The following ZMIZ1 variants were observed in gnomAD, a reference collection of about 807,000 sequenced individuals.
ZMIZ1 encodes zinc finger MIZ domain-containing protein 1.
In ZMIZ1, 17 loss-of-function variants were observed where a neutral mutation model predicts 113.9. The observed-to-expected ratio is 0.15, with a 90% CI of 0.10 to 0.22. ZMIZ1 has a LOEUF of 0.22. ZMIZ1 is among the 10% of genes least tolerant of loss of function. The pLI is 1.00. For missense variants in ZMIZ1, 1,059 were observed against 1,477.8 expected, an observed-to-expected ratio of 0.72 and a Z score of 4.65; for synonymous variants, 607 against 603.1, an observed-to-expected ratio of 1.01 and a Z score of -0.09.
intron 6 of ZMIZ1, among the ~76,000 whole-genome samples, chr10:79,212,419 C>A (rs946218557): frequency 4.6e-5 from 7 of 152,066 alleles, no homozygotes; most frequent in African/African-American, 7.2e-5. Flanking sequence ...GATCCTCCCA[C>A]CTCAGCCTCC....
intron 7 of ZMIZ1, among the ~76,000 whole-genome samples, chr10:79,256,383 C>T (rs1850905233): frequency 6.6e-6 from 1 of 152,174 alleles, no homozygotes; most frequent in Admixed American, 6.5e-5. Context: ...TATCTCCCAG[C>T]CCTCGGTGGA....
At chr10:79,188,923 C>G (rs868464444) in intron 4 of ZMIZ1, among the ~76,000 whole-genome samples, 2 of 152,226 alleles carry the variant, frequency 1.3e-5, no homozygotes, top group South Asian at 2.1e-4. Context: ...ACTCATCTAA[C>G]CGGGAATGCT....
At position 79,313,451 on chromosome 10, in the gene ZMIZ1, G is replaced by A. The variant is rs1392954692; in HGVS notation, c.*702G>A. On this transcript the variant is annotated 3_prime_UTR_variant, in exon 25 of 25. Coordinates refer to ENST00000334512, the MANE Select transcript of ZMIZ1 (RefSeq NM_020338.4). ...GAGAGGGGGTCTGCCATTCCTGCTTGGGGACTGGTGGGGAAGAGGGCCAGG... is the reference window on the plus strand; with the variant it reads ...GAGAGGGGGTCTGCCATTCCTGCTTAGGGACTGGTGGGGAAGAGGGCCAGG... 1 of 157,240 alleles carries A rather than the reference G, an allele frequency of 6.4e-6. No individual in the cohort carries two copies. The highest frequency in any genetic ancestry group is 2.4e-5 in the African/African-American group (1 of 41,316). The allele number at this position is 157,240 out of a possible 1,614,324, so 9.7% of individuals were successfully genotyped here.
chr10:79,300,403 T>G (rs866345633), intron 16 of ZMIZ1, among the ~76,000 whole-genome samples: 1 of 152,100 alleles, frequency 6.6e-6, no homozygotes, highest in African/African-American at 2.4e-5. Flanking sequence ...GTCAAATGAG[T>G]GCCTGTTCAT....
In ZMIZ1 at chr10:79,208,426, C is replaced by G. The variant is rs779678219; in HGVS notation, c.151C>G (p.Gln51Glu). The G allele has an allele frequency of 6.2e-7, 1 of 1,613,900 alleles. No homozygotes were observed. The change falls in exon 6 of 25, where the codon CAG (glutamine) becomes GAG (glutamate). Residue 51 changes from glutamine (Q) to glutamate (E), a missense_variant. Around this residue, in one of 6 missense-constraint regions of ZMIZ1, gnomAD observed 272 missense variants for 350.4 expected, o/e 0.78. Coordinates refer to ENST00000334512, the MANE Select transcript of ZMIZ1 (RefSeq NM_020338.4). ...DPRAFQRPFE[Q>E]SLMGCLTVVS... ...ACGGGCCTTCCAGCGGCCCTTCGAG[C>G]AGAGCCTGATGGGCTGTTTGACGGT...
intron 2 of ZMIZ1, among the ~76,000 whole-genome samples, 166 bp downstream of exon 2, chr10:79,119,190 CAAAG>C (rs959049246): frequency 2.0e-5 from 3 of 152,168 alleles, no homozygotes; most frequent in Non-Finnish European, 4.4e-5. Context: ...CTTTTCCTCT[CAAAG>C]AAAGCCACAC....
chr10:79,216,250 G>T lies in ZMIZ1; in HGVS notation c.256G>T (p.Asp86Tyr). Residue 86 changes from aspartate to tyrosine, a missense_variant, in exon 7 of 25, where the codon GAC becomes TAC. Physicochemically the swap from Asp to Tyr is radical, Grantham distance 160 (BLOSUM62 -3). This residue lies in a region of ZMIZ1 where 272 missense variants were observed against 350.4 expected (regional missense o/e 0.78). Transcript: ENST00000334512. ...GCTGGCTGTGTGTGCTGCAAACCGA[G>T]ACAAGTTCACCCCGAAGTCTGCCGG... ...RLLAVCAANR[D>Y]KFTPKSAALL... 1 of 1,592,774 alleles carries T rather than the reference G, an allele frequency of 6.3e-7. No individual in the cohort carries two copies. Among genetic ancestry groups the T allele is most frequent in the Non-Finnish European group, 8.6e-7 (1 of 1,169,580 alleles).
At chr10:79,309,621 G>A (rs948756893) in intron 23 of ZMIZ1, among the ~76,000 whole-genome samples, 8 of 152,236 alleles carry the variant, frequency 5.3e-5, no homozygotes, top group African/African-American at 1.9e-4. Context: ...CACCTGGACC[G>A]TGGGCAGAGC....
chr10:79,266,063 G>A (rs1851582404), intron 7 of ZMIZ1, among the ~76,000 whole-genome samples: 1 of 152,244 alleles, frequency 6.6e-6, no homozygotes, highest in African/African-American at 2.4e-5. Context: ...CCTGCGCCCT[G>A]AGAAACGTGA....
intron 7 of ZMIZ1, among the ~76,000 whole-genome samples, chr10:79,222,781 G>T (rs1351399495): frequency 2.0e-5 from 3 of 152,082 alleles, no homozygotes; most frequent in Non-Finnish European, 2.9e-5. Flanking sequence ...ATAACAACTT[G>T]TGCAGCAGCC....
At chr10:79,290,931 T>C (rs1853452579) in intron 9 of ZMIZ1, 28 bp from the exon 10 acceptor site, 1 of 1,609,570 alleles carries the variant, frequency 6.2e-7, no homozygotes, top group Non-Finnish European at 8.5e-7. Context: ...GGTAGCACCT[T>C]AGGTGACAAC....
intron 23 of ZMIZ1, among the ~76,000 whole-genome samples, chr10:79,309,819 A>G (rs1362540791): frequency 6.6e-6 from 1 of 152,204 alleles, no homozygotes; most frequent in African/African-American, 2.4e-5. Flanking sequence ...CCAAGGAAGC[A>G]TGTGCCAGGC....
chr10:79,156,698 T>C (rs577374670), intron 3 of ZMIZ1, among the ~76,000 whole-genome samples: 6 of 152,160 alleles, frequency 3.9e-5, no homozygotes, highest in African/African-American at 7.2e-5. Context: ...GACAGGATGA[T>C]TGAACCAAGC....
intron 7 of ZMIZ1, among the ~76,000 whole-genome samples, chr10:79,271,015 G>A (rs1379730801): frequency 6.6e-6 from 1 of 152,186 alleles, no homozygotes; most frequent in African/African-American, 2.4e-5. Flanking sequence ...CTCCAAATGG[G>A]GAATTGATTT....
rs1447825376 is a variant in ZMIZ1, at chr10:79,175,632, A to G, written c.-50+13499A>G. On this transcript the variant is annotated intron_variant, in intron 4 of 24. Transcript: ENST00000334512. The stretch of plus-strand genomic sequence containing the variant: ...TGTGTGTGTGTGTGTGTGTGTGTGG[A>G]GGTTTTTACAGACCCGCATGTATGT... Among the ~76,000 whole-genome samples the G allele has an allele frequency of 1.8e-3, 108 of 59,874 alleles. 2 individuals are homozygous for G. Among genetic ancestry groups the G allele is most frequent in the East Asian group, 7.4e-3 (4 of 544 alleles). The allele number at this position is 59,874 out of a possible 152,430, so 39.3% of individuals were successfully genotyped here.
At chr10:79,302,695 T>TTTTTTC (rs1854389965) in intron 18 of ZMIZ1, among the ~76,000 whole-genome samples, 1 of 132,832 alleles carries the variant, frequency 7.5e-6, no homozygotes, top group Non-Finnish European at 1.6e-5. Flanking sequence ...TTTTTTTTTT[T>TTTTTTC]TTTTTTTTTT....
At chr10:79,251,436 T>C (rs1187200784) in intron 7 of ZMIZ1, among the ~76,000 whole-genome samples, 1 of 152,150 alleles carries the variant, frequency 6.6e-6, no homozygotes. Flanking sequence ...GGAGGCGTGT[T>C]CCTCTGGGTC....
At chr10:79,306,553 GAT>G (rs1439910514) in intron 22 of ZMIZ1, among the ~76,000 whole-genome samples, 1 of 152,100 alleles carries the variant, frequency 6.6e-6, no homozygotes, top group Non-Finnish European at 1.5e-5. Context: ...CCTGGTGGGA[GAT>G]AGACTGCTGC....
At chr10:79,278,951 G>A (rs1852493000) in intron 8 of ZMIZ1, among the ~76,000 whole-genome samples, 1 of 152,214 alleles carries the variant, frequency 6.6e-6, no homozygotes, top group South Asian at 2.1e-4. Context: ...GAGCTGTTGG[G>A]TACACCTCCC....
Sources: allele counts gnomAD v4.1 joint callset (sites outside exome capture counted in the v4.1 genomes callset), GRCh38; gene constraint gnomAD v4.1.1; regional missense constraint gnomAD v4.1.1; transcripts MANE v1.5; gene names NCBI Gene and HGNC (gene_info 2026-07-23, HGNC 2026-07-21).